The following ASB1 variants were observed in gnomAD, a reference collection of about 807,000 sequenced individuals.
ASB1 encodes ankyrin repeat and SOCS box containing 1.
ASB1 carries 18 observed loss-of-function variants against 27.7 expected under a neutral mutation model. The ratio of observed to expected loss-of-function variants is 0.65; its 90% CI spans 0.45 to 0.96. The LOEUF (loss-of-function observed/expected upper bound fraction) is 0.96. ASB1 is among the 50% of genes least tolerant of loss of function. The probability of loss-of-function intolerance (pLI) is 0.00; values close to 1 mark genes in which losing one functional copy is unlikely to be tolerated. For missense variants in ASB1, 397 were observed against 451.7 expected, an observed-to-expected ratio of 0.88 and a Z score of 1.10; for synonymous variants, 189 against 187.6, an observed-to-expected ratio of 1.01 and a Z score of -0.06.
rs1258652836 is a variant in ASB1 at position 238,447,703 on chromosome 2, A to G, written c.*1192A>G. 1 of 152,066 alleles carries G rather than the reference A, an allele frequency of 6.6e-6. No individual in the cohort carries two copies. The highest frequency in any genetic ancestry group is 1.5e-5 in the Non-Finnish European group (1 of 68,004). The allele number at this position is 152,066 out of a possible 1,614,324, so 9.4% of individuals were successfully genotyped here. On this transcript the variant is annotated 3_prime_UTR_variant, in exon 5 of 5. Transcript: ENST00000264607. ...CCCATGAGGACCATTGTGTGGATCCATGGTGATTCTAGACTTCAGATATAT... is the reference window on the plus strand; with the variant it reads ...CCCATGAGGACCATTGTGTGGATCCGTGGTGATTCTAGACTTCAGATATAT...
rs187715429 is a variant in ASB1 at position 238,450,460 on chromosome 2, T to G, written c.*3949T>G. The stretch of plus-strand genomic sequence containing the variant: ...TGCAAAACAAAATGTTGGTTGCTGT[T>G]TGTCAGCCCCAGAATTTCTTCTTAA... On this transcript the variant is annotated 3_prime_UTR_variant, in exon 5 of 5. Transcript: ENST00000264607. 6.6e-6 allele frequency: 1 copy of G among 152,232 alleles called. No homozygotes were observed. The highest frequency in any genetic ancestry group is 1.5e-5 in the Non-Finnish European group (1 of 68,032). The allele number at this position is 152,232 out of a possible 1,614,324, so 9.4% of individuals were successfully genotyped here. A position where few individuals can be genotyped will look rare whatever the true frequency, so the allele number is the denominator to read the frequency against.
At chr2:238,441,119 C>A (rs937092908) in intron 3 of ASB1, among the ~76,000 whole-genome samples, 2 of 151,382 alleles carry the variant, frequency 1.3e-5, no homozygotes, top group East Asian at 3.9e-4. Context: ...TGAGTTCATG[C>A]GTTTCTTTTT....
At chr2:238,437,864 G>C (rs1285888249) in intron 3 of ASB1, among the ~76,000 whole-genome samples, 2 of 152,176 alleles carry the variant, frequency 1.3e-5, no homozygotes, top group African/African-American at 4.8e-5. Context: ...TTTTCCTGTT[G>C]AAGGGTTTTA....
Position 238,444,747 on chromosome 2 carries a change from C to T in ASB1, c.880+20C>T, listed in dbSNP as rs574552810. The T allele has an allele frequency of 6.3e-7, 1 of 1,578,380 alleles. No individual in the cohort carries two copies. The highest frequency in any genetic ancestry group is 1.4e-5 in the African/African-American group (1 of 74,004). ...CCAGAAGTAAGTGGCTTGAGTTCAG[C>T]TCTGACTTGTGGGCTGGGTTGATTG... On this transcript the variant is annotated intron_variant, in intron 4 of 4. Coordinates refer to ENST00000264607, the MANE Select transcript of ASB1 (RefSeq NM_001040445.3).
rs1341171960 is a variant in ASB1 at position 238,427,109 on chromosome 2, G to A, written c.39G>A (p.Pro13=). 2.4e-6 allele frequency: 3 copies of A among 1,256,744 alleles called. No homozygotes were observed. Among genetic ancestry groups the A allele is most frequent in the African/African-American group, 1.6e-5 (1 of 64,298 alleles). 77.8% of individuals were successfully genotyped at this position (1,256,744 alleles called of 1,614,324 possible). A position where few individuals can be genotyped will look rare whatever the true frequency, so the allele number is the denominator to read the frequency against. The part of the protein sequence containing the change: ...EGGSPDGRAG[P]GSAGRNLKEW... ...GCAGCCCAGACGGGCGGGCAGGGCCGGGCTCCGCAGGTAACGTGCGCGCGG... is the reference window on the plus strand; with the variant it reads ...GCAGCCCAGACGGGCGGGCAGGGCCAGGCTCCGCAGGTAACGTGCGCGCGG... The change falls in exon 1 of 5, where the codon CCG becomes CCA. Residue 13 remains proline (P), a synonymous_variant. Coordinates refer to ENST00000264607, the MANE Select transcript of ASB1 (RefSeq NM_001040445.3).
At position 238,446,716 on chromosome 2, in the gene ASB1, A is replaced by G. The variant is rs577673748; in HGVS notation, c.*205A>G. On this transcript the variant is annotated 3_prime_UTR_variant, in exon 5 of 5. Coordinates refer to ENST00000264607, the MANE Select transcript of ASB1 (RefSeq NM_001040445.3). The stretch of plus-strand genomic sequence containing the variant: ...CAGCTGAGAGGCTTATACTAAAGTT[A>G]TTATTGTTTTTCCCAAGTTCTCTGT... The G allele has an allele frequency of 4.8e-5, 28 of 582,986 alleles. No individual in the cohort carries two copies. The South Asian group carries it at 4.8e-4, about 10-fold the overall frequency. The allele number at this position is 582,986 out of a possible 1,614,324, so 36.1% of individuals were successfully genotyped here. A position where few individuals can be genotyped will look rare whatever the true frequency, so the allele number is the denominator to read the frequency against.
At chr2:238,430,604 T>C (rs762091707) in intron 1 of ASB1, among the ~76,000 whole-genome samples, 10 of 152,236 alleles carry the variant, frequency 6.6e-5, no homozygotes, top group Non-Finnish European at 1.0e-4. Context: ...TCTAGATTGG[T>C]GAATCCTTTC....
At chr2:238,444,222 C>T in intron 3 of ASB1, 120 bp from the exon 4 acceptor site, 5 of 1,098,934 alleles carry the variant, frequency 4.5e-6, no homozygotes, top group Non-Finnish European at 6.5e-6. Context: ...TCCTACAGCG[C>T]CTGGTGTCAC....
At chr2:238,443,443 G>A (rs542166069) in intron 3 of ASB1, among the ~76,000 whole-genome samples, 9 of 152,174 alleles carry the variant, frequency 5.9e-5, no homozygotes, top group Admixed American at 3.3e-4. Context: ...CAGACACATT[G>A]TATCCTCTGA....
rs1702188731 is a variant in ASB1 at position 238,446,738 on chromosome 2, C to T, written c.*227C>T. ...GTTATTATTGTTTTTCCCAAGTTCT[C>T]TGTTCTGGATTTTCAGTTGCATATT... On this transcript the variant is annotated 3_prime_UTR_variant, in exon 5 of 5. Transcript: ENST00000264607. The T allele has an allele frequency of 7.5e-6, 4 of 530,276 alleles. No homozygotes were observed. Among genetic ancestry groups the T allele is most frequent in the Middle Eastern group, 5.2e-4 (1 of 1,912 alleles). 32.8% of individuals were successfully genotyped at this position (530,276 alleles called of 1,614,324 possible). A position where few individuals can be genotyped will look rare whatever the true frequency, so the allele number is the denominator to read the frequency against.
Position 238,449,527 on chromosome 2 carries a change from T to A in ASB1, c.*3016T>A, listed in dbSNP as rs1352763324. 6.6e-6 allele frequency: 1 copy of A among 152,534 alleles called. No individual in the cohort carries two copies. The highest frequency in any genetic ancestry group is 2.4e-5 in the African/African-American group (1 of 41,384). The allele number at this position is 152,534 out of a possible 1,614,324, so 9.4% of individuals were successfully genotyped here. ...ACAGATGGGCTGGGCTGGGCTGTGG[T>A]GGGGTGGGGGACAACGTTGGTAACT... On this transcript the variant is annotated 3_prime_UTR_variant, in exon 5 of 5. Coordinates refer to ENST00000264607, the MANE Select transcript of ASB1 (RefSeq NM_001040445.3).
chr2:238,435,544 C>G (rs550133044), intron 2 of ASB1, among the ~76,000 whole-genome samples, 167 bp from the exon 3 acceptor site: 1 of 152,176 alleles, frequency 6.6e-6, no homozygotes, highest in Non-Finnish European at 1.5e-5. Flanking sequence ...TGCCATGCCC[C>G]GGTCCCGCAG....
intron 1 of ASB1, among the ~76,000 whole-genome samples, chr2:238,431,708 A>G (rs1701873990): frequency 6.6e-6 from 1 of 152,140 alleles, no homozygotes; most frequent in Non-Finnish European, 1.5e-5. Context: ...TAATTAGCCT[A>G]ATTTCAATAT....
At chr2:238,427,330 T>C (rs1701777434) in intron 1 of ASB1, 2 of 377,322 alleles carry the variant, frequency 5.3e-6, no homozygotes, top group Non-Finnish European at 4.7e-6. Flanking sequence ...CTCCTCGGCC[T>C]CGAGTGCAGT....
rs1320607619 is a variant in ASB1, at chr2:238,435,696, G to C, written c.192-15G>C. The C allele has an allele frequency of 6.2e-7, 1 of 1,604,316 alleles. No homozygotes were observed. Among genetic ancestry groups the C allele is most frequent in the African/African-American group, 1.3e-5 (1 of 74,870 alleles). The stretch of plus-strand genomic sequence containing the variant: ...GCGGCTGCCTCTCATGAGCCCCCTT[G>C]TGTTCCTCCTGCAGCCGCATCAACG... On this transcript the variant is annotated splice_polypyrimidine_tract_variant and intron_variant, in intron 2 of 4. Transcript: ENST00000264607.
In ASB1 at chr2:238,446,589, G is replaced by A. The variant is rs1222516339; in HGVS notation, c.*78G>A. On this transcript the variant is annotated 3_prime_UTR_variant, in exon 5 of 5. Coordinates refer to ENST00000264607, the MANE Select transcript of ASB1 (RefSeq NM_001040445.3). ...GTGGACACCGAGCCCTGAGTGCTGT[G>A]CTGCTGCTGGTCTCCTGATGGCTGT... 6.4e-7 allele frequency: 1 copy of A among 1,554,366 alleles called. No homozygotes were observed. Among genetic ancestry groups the A allele is most frequent in the African/African-American group, 1.4e-5 (1 of 73,908 alleles).
At chr2:238,446,202 T>C (rs544002040) in intron 4 of ASB1, among the ~76,000 whole-genome samples, 182 bp from the exon 5 acceptor site, 55 of 152,232 alleles carry the variant, frequency 3.6e-4, no homozygotes, top group Non-Finnish European at 6.9e-4. Flanking sequence ...AAGACCTTCC[T>C]CCCTGGGGCC....
chr2:238,427,191 G>T, intron 1 of ASB1, 72 bp downstream of exon 1: 1 of 1,112,036 alleles, frequency 9.0e-7, no homozygotes, highest in South Asian at 4.4e-5. Context: ...CGTCCCTGCC[G>T]AGGTCCTGCG....
chr2:238,427,174 GC>G, intron 1 of ASB1, 55 bp downstream of exon 1: 1 of 1,188,958 alleles, frequency 8.4e-7, no homozygotes, highest in Non-Finnish European at 1.1e-6. Flanking sequence ...CGAAGGGCTG[GC>G]TCCGGCGTCC....
Sources: allele counts gnomAD v4.1 joint callset (sites outside exome capture counted in the v4.1 genomes callset), GRCh38; gene constraint gnomAD v4.1.1; transcripts MANE v1.5; gene names NCBI Gene and HGNC (gene_info 2026-07-23, HGNC 2026-07-21).